TOPBP1: variants seen among roughly 807,000 people sequenced by gnomAD.
TOPBP1 encodes DNA topoisomerase 2-binding protein 1.
Under a neutral mutation model 167.7 loss-of-function variants are expected in TOPBP1, and 28 were observed. The observed-to-expected ratio is 0.17, with a 90% CI of 0.12 to 0.23. TOPBP1 has a LOEUF of 0.23. TOPBP1 is among the 10% of genes least tolerant of loss of function. The pLI is 1.00. For missense variants in TOPBP1, 1,554 were observed against 1,809.6 expected, an observed-to-expected ratio of 0.86 and a Z score of 2.56; for synonymous variants, 598 against 611.4, an observed-to-expected ratio of 0.98 and a Z score of 0.32.
At position 133,657,867 on chromosome 3, in the gene TOPBP1, T is replaced by C; in HGVS notation, c.294A>G (p.Glu98=). Residue 98 remains glutamate (E), a synonymous_variant, in exon 4 of 28, where the codon GAA becomes GAG. Coordinates refer to ENST00000260810, the MANE Select transcript of TOPBP1 (RefSeq NM_007027.4). ...ACATAACCATATTATAAACTGGATGTTCGGCTCTTGGGACACATCGCTGGT... is the reference window on the plus strand; with the variant it reads ...ACATAACCATATTATAAACTGGATGCTCGGCTCTTGGGACACATCGCTGGT... The part of the protein sequence containing the change: ...MHHQRCVPRA[E]HPVYNMVMSD... 6.2e-7 allele frequency: 1 copy of C among 1,602,794 alleles called. No homozygotes were observed. The highest frequency in any genetic ancestry group is 8.5e-7 in the Non-Finnish European group (1 of 1,175,830).
intron 14 of TOPBP1, 75 bp from the exon 15 acceptor site, chr3:133,628,808 G>A: frequency 6.2e-6 from 9 of 1,445,224 alleles, no homozygotes; most frequent in Non-Finnish European, 7.5e-6. Flanking sequence ...TAATAGGACA[G>A]GAAAAAGAAA....
At position 133,604,617 on chromosome 3, in the gene TOPBP1, A is replaced by G. The variant is rs567746112; in HGVS notation, c.4426-3224T>C. On this transcript the variant is annotated intron_variant, in intron 27 of 27. Transcript: ENST00000260810. ...TAGTAAAGAAAATTCGTTACAAAAA[A>G]CCACATATAAAGAAAACTCCAGGCC... 5.3e-3 allele frequency among the ~76,000 whole-genome samples: 803 copies of G among 151,998 alleles called. 8 individuals are homozygous for G. The highest frequency in any genetic ancestry group is 0.014 in the Middle Eastern group (4 of 294).
intron 27 of TOPBP1, among the ~76,000 whole-genome samples, chr3:133,608,270 T>G (rs1934555174): frequency 6.6e-6 from 1 of 152,158 alleles, no homozygotes. Flanking sequence ...ATTCCAACAT[T>G]TTAAAGGGTA....
chr3:133,634,618 T>A (rs779379644), intron 14 of TOPBP1, among the ~76,000 whole-genome samples: 119 of 152,138 alleles, frequency 7.8e-4, no homozygotes, highest in Non-Finnish European at 1.4e-3. Context: ...GGCATCAGAT[T>A]TTTTTTCAAA....
rs1160355385 is a variant in TOPBP1, at chr3:133,649,374, A to G, written c.1504+9T>C. ...TACTAACTACAAATACTAATCAAGC[A>G]TTTCTTACCTACTGTGGAGCTACCA... On this transcript the variant is annotated intron_variant, in intron 10 of 27. Transcript: ENST00000260810. 1 of 1,609,694 alleles carries G rather than the reference A, an allele frequency of 6.2e-7. No homozygotes were observed. The highest frequency in any genetic ancestry group is 1.7e-5 in the Admixed American group (1 of 59,460).
chr3:133,602,067 C>A (rs1448076296), intron 27 of TOPBP1, among the ~76,000 whole-genome samples: 1 of 152,192 alleles, frequency 6.6e-6, no homozygotes, highest in Non-Finnish European at 1.5e-5. Context: ...CAACACAGTA[C>A]TCTTTGGAGG....
At chr3:133,615,575 T>A (rs1934843730) in intron 23 of TOPBP1, among the ~76,000 whole-genome samples, 1 of 152,192 alleles carries the variant, frequency 6.6e-6, no homozygotes, top group South Asian at 2.1e-4. Context: ...TTCCTAACTC[T>A]ATAGAGCTTT....
chr3:133,660,187 C>A (rs1936639748), intron 2 of TOPBP1, among the ~76,000 whole-genome samples: 1 of 152,166 alleles, frequency 6.6e-6, no homozygotes, highest in Non-Finnish European at 1.5e-5. Flanking sequence ...TTCACGTTTA[C>A]TCAATATCTT....
chr3:133,628,841 G>C, intron 14 of TOPBP1, 108 bp from the exon 15 acceptor site: 1 of 1,116,528 alleles, frequency 9.0e-7, no homozygotes, highest in East Asian at 2.6e-5. Flanking sequence ...GGGGTAAAGA[G>C]AGAGAAGGGG....
At chr3:133,645,275 C>T (rs1053192628) in intron 10 of TOPBP1, among the ~76,000 whole-genome samples, 1 of 152,142 alleles carries the variant, frequency 6.6e-6, no homozygotes, top group Non-Finnish European at 1.5e-5. Flanking sequence ...TGTACTTATT[C>T]GCACTAAGGA....
chr3:133,612,384 C>CGTGCAGG lies in TOPBP1; in HGVS notation c.4035+4_4035+5insCCTGCAC. The CGTGCAGG allele has an allele frequency of 6.2e-7, 1 of 1,613,514 alleles. No homozygotes were observed. The highest frequency in any genetic ancestry group is 8.5e-7 in the Non-Finnish European group (1 of 1,179,692). On this transcript the variant is annotated splice_donor_region_variant and intron_variant, in intron 24 of 27. Coordinates refer to ENST00000260810, the MANE Select transcript of TOPBP1 (RefSeq NM_007027.4). Reference sequence around the variant, plus strand: ...AAATAAACTTCCACAAATCTGAATACACACCTGCACGAAGTGTCCAGCAGT... The same window carrying CGTGCAGG: ...AAATAAACTTCCACAAATCTGAATACGTGCAGGACACCTGCACGAAGTGTCCAGCAGT...
intron 16 of TOPBP1, 74 bp from the exon 17 acceptor site, chr3:133,624,249 T>C: frequency 2.0e-6 from 3 of 1,534,310 alleles, no homozygotes; most frequent in Admixed American, 1.8e-5. Context: ...TCTTATTTAC[T>C]GTGAACAGAA....
chr3:133,628,770 AAG>A (rs747863535), intron 14 of TOPBP1, 37 bp from the exon 15 acceptor site: 4,231 of 1,441,054 alleles, frequency 2.9e-3, no homozygotes, highest in Admixed American at 5.3e-3. Context: ...TGGAGAAAAG[AAG>A]AGAGAGAGAG....
In TOPBP1 at chr3:133,644,154, C is replaced by A. The variant is rs774580761; in HGVS notation, c.1714G>T (p.Ala572Ser). 6.2e-7 allele frequency: 1 copy of A among 1,613,804 alleles called. No individual in the cohort carries two copies. Among genetic ancestry groups the A allele is most frequent in the Non-Finnish European group, 8.5e-7 (1 of 1,179,816 alleles). The change falls in exon 11 of 28, where the codon GCA becomes TCA. Residue 572 changes from alanine to serine, a missense_variant. This residue lies in a region of TOPBP1 where 1,197 missense variants were observed against 1,351.5 expected (regional missense o/e 0.89). Transcript: ENST00000260810. ...CCAGCATTTTCTTTTATGATGTTTGCGATGTTAGATTCATTTTCATTACTA... is the reference window on the plus strand; with the variant it reads ...CCAGCATTTTCTTTTATGATGTTTGAGATGTTAGATTCATTTTCATTACTA... Reference protein sequence around the residue: ...GFSNENESNIANIIKENAGKI... With the variant: ...GFSNENESNISNIIKENAGKI...
chr3:133,611,175 C>T (rs1413331999), intron 24 of TOPBP1, 34 bp from the exon 25 acceptor site: 1 of 1,596,012 alleles, frequency 6.3e-7, no homozygotes, highest in South Asian at 1.1e-5. Context: ...TGAGTTGTTA[C>T]AGTCTGGGGA....
At chr3:133,619,745 A>T (rs914558236) in intron 20 of TOPBP1, among the ~76,000 whole-genome samples, 1 of 152,244 alleles carries the variant, frequency 6.6e-6, no homozygotes, top group Non-Finnish European at 1.5e-5. Flanking sequence ...TAGATCTTAA[A>T]ATCATTTCTT....
At chr3:133,630,893 T>C (rs1191629891) in intron 14 of TOPBP1, among the ~76,000 whole-genome samples, 1 of 152,222 alleles carries the variant, frequency 6.6e-6, no homozygotes. Flanking sequence ...TCATTTCTTA[T>C]GTTTAAATCT....
Position 133,620,228 on chromosome 3 carries a change from T to C in TOPBP1, c.3298A>G (p.Asn1100Asp). ...CTGTCAGGGGTTGAAGATGCGCTGT[T>C]ACAACCACTTCTTGAAAGGGAAGTC... ...QRTSLSRSGC[N>D]SASSTPDSTR... The change falls in exon 20 of 28, where the codon AAC becomes GAC. Residue 1100 changes from asparagine to aspartate, a missense_variant. By Grantham distance (23) the Asn-to-Asp change is conservative. Transcript: ENST00000260810. 1.2e-6 allele frequency: 2 copies of C among 1,613,938 alleles called. No individual in the cohort carries two copies. Among genetic ancestry groups the C allele is most frequent in the Non-Finnish European group, 1.7e-6 (2 of 1,179,872 alleles).
At chr3:133,612,663 T>C in intron 23 of TOPBP1, 111 bp from the exon 24 acceptor site, 1 of 1,009,696 alleles carries the variant, frequency 9.9e-7, no homozygotes, top group Admixed American at 3.3e-5. Context: ...CCCCAAACCA[T>C]TTAAACCAAA....
Sources: gnomAD v4.1 joint callset for allele counts (sites outside exome capture counted in the v4.1 genomes callset) on GRCh38, gnomAD v4.1.1 for gene constraint, gnomAD v4.1.1 regional missense constraint, MANE v1.5 for transcripts, NCBI Gene and HGNC (gene_info 2026-07-23, HGNC 2026-07-21) for gene names.